SCUBE1: variants seen among roughly 807,000 people sequenced by gnomAD.
SCUBE1 encodes signal peptide, CUB domain and EGF like domain containing 1.
In SCUBE1, 59 loss-of-function variants were observed where a neutral mutation model predicts 124.4. That is an observed-to-expected ratio of 0.47 (90% CI 0.38 to 0.59). The LOEUF is 0.59. SCUBE1 is among the 20% of genes least tolerant of loss of function. The pLI is 0.00. For missense variants in SCUBE1, 1,150 were observed against 1,371.2 expected (o/e 0.84, Z 2.55); for synonymous variants, 545 against 550.9 (o/e 0.99, Z 0.15).
intron 7 of SCUBE1, chr22:43,237,639 A>G (rs923635481): frequency 6.6e-6 from 1 of 152,228 alleles, no homozygotes; most frequent in African/African-American, 2.4e-5. Flanking sequence ...TCTGTCAATA[A>G]TCACTCGGTT....
At chr22:43,337,221 C>G (rs1453930201) in intron 2 of SCUBE1, among the ~76,000 whole-genome samples, 2 of 152,104 alleles carry the variant, frequency 1.3e-5, no homozygotes, top group Non-Finnish European at 2.9e-5. Context: ...AAAAGTCTGA[C>G]TCCTAACTCG....
chr22:43,276,718 C>T (rs112563946), intron 4 of SCUBE1, among the ~76,000 whole-genome samples: 95 of 152,302 alleles, frequency 6.2e-4, no homozygotes, highest in African/African-American at 2.0e-3. Flanking sequence ...CTGTGGGCTA[C>T]GGTGTAGGGG....
intron 9 of SCUBE1, among the ~76,000 whole-genome samples, chr22:43,228,545 GC>G (rs1922418979): frequency 1.3e-5 from 2 of 152,128 alleles, no homozygotes; most frequent in Non-Finnish European, 2.9e-5. Context: ...GTGGGATGGC[GC>G]CCCCTATCCG....
chr22:43,232,289 C>T (rs542825979), intron 7 of SCUBE1: 2 of 179,836 alleles, frequency 1.1e-5, no homozygotes, highest in African/African-American at 4.6e-5. Flanking sequence ...CTGGTGACCT[C>T]GGCAAGCTCC....
In SCUBE1 at chr22:43,280,396, C is replaced by CT. The variant is rs112337349; in HGVS notation, c.484+10649_484+10650insA. 6.4e-3 allele frequency among the ~76,000 whole-genome samples: 684 copies of CT among 106,152 alleles called. 14 individuals are homozygous for CT. The highest frequency in any genetic ancestry group is 0.027 in the African/African-American group (626 of 23,384). The allele number at this position is 106,152 out of a possible 152,430, so 69.6% of individuals were successfully genotyped here. A position where few individuals can be genotyped will look rare whatever the true frequency, so the allele number is the denominator to read the frequency against. ...TCTCACCGTCCCCTCACCCATCCCC[C>CT]GTCCCTTCCCCTCACCCATCCTCCT... On this transcript the variant is annotated intron_variant, in intron 4 of 21. Coordinates refer to ENST00000360835, the MANE Select transcript of SCUBE1 (RefSeq NM_173050.5).
chr22:43,271,727 C>T (rs1030414335), intron 4 of SCUBE1, among the ~76,000 whole-genome samples: 1 of 152,132 alleles, frequency 6.6e-6, no homozygotes, highest in Non-Finnish European at 1.5e-5. Flanking sequence ...CCCAGCTGGC[C>T]CCGAGCCCAG....
intron 3 of SCUBE1, among the ~76,000 whole-genome samples, chr22:43,309,229 C>T (rs76050026): frequency 0.018 from 2,720 of 152,332 alleles, 106 homozygotes; most frequent in East Asian, 0.17. Flanking sequence ...TGAGACCTTG[C>T]CCTGTGCTAG....
intron 14 of SCUBE1, among the ~76,000 whole-genome samples, chr22:43,219,242 T>C (rs1830255730): frequency 6.6e-6 from 1 of 152,074 alleles, no homozygotes; most frequent in Non-Finnish European, 1.5e-5. Flanking sequence ...CCACGAGATG[T>C]GACTGGTGAA....
At position 43,220,449 on chromosome 22, in the gene SCUBE1, C is replaced by T. The variant is rs1244596520; in HGVS notation, c.1687+1G>A. 1 of 1,613,550 alleles carries T rather than the reference C, an allele frequency of 6.2e-7. No individual in the cohort carries two copies. The highest frequency in any genetic ancestry group is 2.2e-5 in the East Asian group (1 of 44,888). ...AGCCCCCAGGAGAACCCCTCACCTA[C>T]CTGAGGCCTCTTCCATCTTTGTCTC... On this transcript the variant is annotated splice_donor_variant, in intron 14 of 21. Coordinates refer to ENST00000360835, the MANE Select transcript of SCUBE1 (RefSeq NM_173050.5). LOFTEE classifies it high-confidence loss of function.
rs1401778258 is a variant in SCUBE1, at chr22:43,343,345, T to TGCTCGCC, written c.-91_-85dup. 11 of 620,616 alleles carry TGCTCGCC rather than the reference T, an allele frequency of 1.8e-5. No individual in the cohort carries two copies. The East Asian group carries it at 7.2e-4, about 41-fold the overall frequency. 38.4% of individuals were successfully genotyped at this position (620,616 alleles called of 1,614,324 possible). A position where few individuals can be genotyped will look rare whatever the true frequency, so the allele number is the denominator to read the frequency against. ...GGCCGCTCCCGCAGGCGCTGCTCGC[T>TGCTCGCC]GCTCGCCGCTCCGCCACCGCTCGGG... On this transcript the variant is annotated 5_prime_UTR_variant, in exon 1 of 22. Coordinates refer to ENST00000360835, the MANE Select transcript of SCUBE1 (RefSeq NM_173050.5).
At position 43,254,359 on chromosome 22, in the gene SCUBE1, C is replaced by A. The variant is rs112648408; in HGVS notation, c.727+3860G>T. 5.8e-3 allele frequency among the ~76,000 whole-genome samples: 888 copies of A among 152,332 alleles called. 9 individuals are homozygous for A. The highest frequency in any genetic ancestry group is 0.021 in the African/African-American group (861 of 41,576). On this transcript the variant is annotated intron_variant, in intron 6 of 21. Transcript: ENST00000360835. ...CAGGCCTGAAGCCTCCTCAGCAGCACACAAGGCCATATCCCCTGTGGCCCT... is the reference window on the plus strand; with the variant it reads ...CAGGCCTGAAGCCTCCTCAGCAGCAAACAAGGCCATATCCCCTGTGGCCCT...
chr22:43,337,655 C>A (rs528325892), intron 2 of SCUBE1, among the ~76,000 whole-genome samples: 1 of 152,324 alleles, frequency 6.6e-6, no homozygotes, highest in Non-Finnish European at 1.5e-5. Context: ...GGAATATTAC[C>A]CAACCAGGCA....
intron 4 of SCUBE1, among the ~76,000 whole-genome samples, chr22:43,280,393 CCCCGTCCCTTCCCCTCACCCATCCT>C (rs1601852894): frequency 1.7e-5 from 2 of 121,160 alleles, no homozygotes; most frequent in African/African-American, 3.5e-5. Context: ...CTCACCCATC[CCCCGTCCCTTCCCCTCACCCATCCT>C]CCTGTCCCTT....
At chr22:43,252,886 C>T (rs1923510170) in intron 6 of SCUBE1, among the ~76,000 whole-genome samples, 1 of 151,260 alleles carries the variant, frequency 6.6e-6, no homozygotes, top group Non-Finnish European at 1.5e-5. Flanking sequence ...ACGGTCACCT[C>T]CCTTACTCTC....
intron 3 of SCUBE1, 56 bp from the exon 4 acceptor site, chr22:43,291,236 C>G (rs1018878552): frequency 2.5e-6 from 4 of 1,574,298 alleles, no homozygotes; most frequent in African/African-American, 1.3e-5. Context: ...GGAAGCAGGG[C>G]ATGAGGGGCT....
chr22:43,262,986 T>C (rs1923929024), intron 4 of SCUBE1, 141 bp from the exon 5 acceptor site: 1 of 848,082 alleles, frequency 1.2e-6, no homozygotes. Context: ...CACACGCACT[T>C]GCGCACACAC....
intron 4 of SCUBE1, among the ~76,000 whole-genome samples, chr22:43,268,202 T>C (rs1336768251): frequency 6.6e-6 from 1 of 152,206 alleles, no homozygotes; most frequent in African/African-American, 2.4e-5. Context: ...CAGGCTTCTG[T>C]GAGCCTGAGG....
At chr22:43,274,352 CT>C (rs1924412300) in intron 4 of SCUBE1, among the ~76,000 whole-genome samples, 1 of 152,146 alleles carries the variant, frequency 6.6e-6, no homozygotes, top group Non-Finnish European at 1.5e-5. Flanking sequence ...AAAAAAATTA[CT>C]TGTTTATCTG....
Position 43,262,881 on chromosome 22 carries a change from C to T in SCUBE1, c.485-36G>A, listed in dbSNP as rs763931180. On this transcript the variant is annotated intron_variant, in intron 4 of 21. Coordinates refer to ENST00000360835, the MANE Select transcript of SCUBE1 (RefSeq NM_173050.5). Reference sequence around the variant, plus strand: ...AGACAGACAAGAGACGGGTTGAAGACCAGGCAGAGAGGGAGAGAGAAAATT... The same window carrying T: ...AGACAGACAAGAGACGGGTTGAAGATCAGGCAGAGAGGGAGAGAGAAAATT... 4.4e-6 allele frequency: 7 copies of T among 1,594,818 alleles called. No homozygotes were observed. The South Asian group carries it at 7.7e-5, about 18-fold the overall frequency.
Sources: allele counts gnomAD v4.1 joint callset (sites outside exome capture counted in the v4.1 genomes callset), GRCh38; gene constraint gnomAD v4.1.1; transcripts MANE v1.5; gene names NCBI Gene and HGNC (gene_info 2026-07-23, HGNC 2026-07-21).